The following TPD52 variants were observed in gnomAD, a reference collection of about 807,000 sequenced individuals.
TPD52 encodes tumor protein D52.
Under a neutral mutation model 31.3 loss-of-function variants are expected in TPD52, and 17 were observed. That is an observed-to-expected ratio of 0.54 (90% CI 0.37 to 0.82). The LOEUF (loss-of-function observed/expected upper bound fraction) is 0.82, where lower values mean the gene tolerates loss of function less well. Among genes scored for constraint, TPD52 ranks in the 40% least tolerant of loss-of-function variants. The probability of loss-of-function intolerance (pLI) is 0.00; values close to 1 mark genes in which losing one functional copy is unlikely to be tolerated. For synonymous variants in TPD52, 83 were observed against 89.6 expected (o/e 0.93, Z 0.42); for missense variants, 212 against 240.1 (o/e 0.88, Z 0.77).
intron 1 of TPD52, among the ~76,000 whole-genome samples, chr8:80,121,737 C>T (rs1025247518): frequency 6.6e-6 from 1 of 152,288 alleles, no homozygotes; most frequent in East Asian, 1.9e-4. Flanking sequence ...GTGGCCTTCA[C>T]GACGCAAAAC....
chr8:80,130,158 G>A (rs1017003049), intron 1 of TPD52, among the ~76,000 whole-genome samples: 1 of 152,212 alleles, frequency 6.6e-6, no homozygotes, highest in Non-Finnish European at 1.5e-5. Flanking sequence ...AGATGAAGAG[G>A]AGGTGGAGGG....
intron 1 of TPD52, among the ~76,000 whole-genome samples, chr8:80,082,726 A>T (rs10092517): frequency 1.9e-4 from 29 of 151,886 alleles, no homozygotes; most frequent in Admixed American, 1.3e-4. Flanking sequence ...GAGCCCCCTG[A>T]CAGGCGCCTG....
intron 1 of TPD52, among the ~76,000 whole-genome samples, chr8:80,133,603 C>A (rs1175840405): frequency 6.6e-6 from 1 of 152,062 alleles, no homozygotes; most frequent in Non-Finnish European, 1.5e-5. Context: ...AAACATGAAT[C>A]CTTCCCTCAG....
At chr8:80,044,903 A>T (rs1287342012) in intron 5 of TPD52, among the ~76,000 whole-genome samples, 1 of 152,196 alleles carries the variant, frequency 6.6e-6, no homozygotes, top group Non-Finnish European at 1.5e-5. Flanking sequence ...GTTATATTTA[A>T]ATATTTTGTG....
At chr8:80,050,389 A>G in intron 5 of TPD52, 56 bp downstream of exon 5, 2 of 1,541,840 alleles carry the variant, frequency 1.3e-6, no homozygotes, top group Non-Finnish European at 1.8e-6. Context: ...ATCTAATCTC[A>G]GCACACTTTT....
intron 1 of TPD52, among the ~76,000 whole-genome samples, chr8:80,089,822 A>G (rs991314467): frequency 6.6e-6 from 1 of 152,238 alleles, no homozygotes; most frequent in Non-Finnish European, 1.5e-5. Context: ...CTAGGCACAG[A>G]GCTAGAAAGT....
chr8:80,080,726 A>G (rs1815181066), intron 1 of TPD52: 4 of 1,119,492 alleles, frequency 3.6e-6, no homozygotes, highest in African/African-American at 1.6e-5. Flanking sequence ...TCGATCAACA[A>G]TGAAAAACCT....
At chr8:80,083,320 A>G (rs1682770147) in intron 1 of TPD52, among the ~76,000 whole-genome samples, 2 of 152,204 alleles carry the variant, frequency 1.3e-5, no homozygotes, top group Admixed American at 6.5e-5. Flanking sequence ...GAAAGAGGCT[A>G]TGGGTACAAT....
At chr8:80,158,265 C>G (rs1363790083) in intron 1 of TPD52, among the ~76,000 whole-genome samples, 2 of 151,854 alleles carry the variant, frequency 1.3e-5, no homozygotes, top group African/African-American at 2.4e-5. Context: ...CCCCACCCCA[C>G]TCCTCTTCAA....
intron 1 of TPD52, among the ~76,000 whole-genome samples, chr8:80,155,088 C>T (rs1167015760): frequency 6.6e-6 from 1 of 151,096 alleles, no homozygotes; most frequent in African/African-American, 2.4e-5. Context: ...ACCTCCGCTT[C>T]CAGGGCTCAA....
At chr8:80,157,971 C>G (rs1023832400) in intron 1 of TPD52, among the ~76,000 whole-genome samples, 1 of 152,158 alleles carries the variant, frequency 6.6e-6, no homozygotes, top group Admixed American at 6.5e-5. Flanking sequence ...TCCCATGCCT[C>G]TAGTTTCTGC....
At chr8:80,140,950 C>CGTATGTGTGTGTGT (rs1554593074) in intron 1 of TPD52, among the ~76,000 whole-genome samples, 1 of 143,676 alleles carries the variant, frequency 7.0e-6, no homozygotes, top group African/African-American at 2.6e-5. Context: ...CAATACAACT[C>CGTATGTGTGTGTGT]GTGTGTGTGT....
rs1370527568 is a variant in TPD52, at chr8:80,092,535, A to G, written c.20-27942T>C. ...ATATGGAATCAACCTATATTCATTAATAGTTGAATAAAGAAAATTGTGGTA... is the reference window on the plus strand; with the variant it reads ...ATATGGAATCAACCTATATTCATTAGTAGTTGAATAAAGAAAATTGTGGTA... On this transcript the variant is annotated intron_variant, in intron 1 of 7. Transcript: ENST00000518937. 4.6e-5 allele frequency among the ~76,000 whole-genome samples: 7 copies of G among 152,226 alleles called. No homozygotes were observed. In the East Asian group the frequency reaches 1.3e-3, roughly 29 times the overall value.
chr8:80,148,005 T>TA (rs1810320579), intron 1 of TPD52, among the ~76,000 whole-genome samples: 1 of 152,150 alleles, frequency 6.6e-6, no homozygotes, highest in African/African-American at 2.4e-5. Context: ...TCTATAAATC[T>TA]AAAAATAAGA....
chr8:80,032,707 T>C (rs1809723413), downstream of TPD52: 1 of 152,272 alleles, frequency 6.6e-6, no homozygotes, highest in Admixed American at 6.5e-5. Context: ...ACTTAATGAA[T>C]AGTAGCTATT....
intron 2 of TPD52, among the ~76,000 whole-genome samples, chr8:80,055,994 C>G (rs1811835021): frequency 6.6e-6 from 1 of 152,096 alleles, no homozygotes. Flanking sequence ...CTCAGAAAAA[C>G]TTAAAATAGA....
chr8:80,118,762 CAAT>C (rs1005076001), intron 1 of TPD52, among the ~76,000 whole-genome samples: 2 of 152,140 alleles, frequency 1.3e-5, no homozygotes, highest in African/African-American at 4.8e-5. Context: ...ATCAAGAAGA[CAAT>C]AATAAGTGTT....
At chr8:80,056,522 T>G (rs1042197361) in intron 2 of TPD52, among the ~76,000 whole-genome samples, 1 of 151,898 alleles carries the variant, frequency 6.6e-6, no homozygotes, top group Admixed American at 6.6e-5. Context: ...AAAAAGACAA[T>G]CCAATTAGAA....
intron 1 of TPD52, among the ~76,000 whole-genome samples, chr8:80,138,263 ATT>A (rs1254769986): frequency 6.6e-6 from 1 of 152,148 alleles, no homozygotes. Flanking sequence ...GTCTCTAATT[ATT>A]TCTCAGTAGA....
Sources: allele counts gnomAD v4.1 joint callset (sites outside exome capture counted in the v4.1 genomes callset), GRCh38; gene constraint gnomAD v4.1.1; transcripts MANE v1.5; gene names NCBI Gene and HGNC (gene_info 2026-07-23, HGNC 2026-07-21).